DPP9: variants seen among roughly 807,000 people sequenced by gnomAD.
DPP9 encodes the protein dipeptidyl peptidase IV-related protein-2.
DPP9 carries 50 observed loss-of-function variants against 110.7 expected under a neutral mutation model. That is an observed-to-expected ratio of 0.45 (90% CI 0.36 to 0.57). The LOEUF is 0.57. DPP9 is among the 20% of genes least tolerant of loss of function. The pLI, the probability that DPP9 is intolerant of heterozygous loss-of-function variation, is 0.00. For missense variants in DPP9, 1,022 were observed against 1,217.9 expected (o/e 0.84, Z 2.39); for synonymous variants, 561 against 514.4 (o/e 1.09, Z -1.23).
chr19:4,701,895 C>G, intron 9 of DPP9, 132 bp downstream of exon 9: 1 of 1,330,838 alleles, frequency 7.5e-7, no homozygotes, highest in South Asian at 1.4e-5. Context: ...AGAAGCCTTC[C>G]TTCTACACCC....
intron 13 of DPP9, among the ~76,000 whole-genome samples, chr19:4,692,606 C>T (rs2145562132): frequency 6.6e-6 from 1 of 152,282 alleles, no homozygotes; most frequent in South Asian, 2.1e-4. Flanking sequence ...GGTGTGCCCA[C>T]CTCACAGGCC....
intron 4 of DPP9, 87 bp from the exon 5 acceptor site, chr19:4,706,057 C>G (rs1871361102): frequency 8.5e-7 from 1 of 1,174,690 alleles, no homozygotes; most frequent in East Asian, 2.5e-5. Flanking sequence ...CCAGCTGGTT[C>G]CCTCTGCTTC....
chr19:4,704,171 C>T lies in DPP9; in HGVS notation c.560G>A (p.Ser187Asn), dbSNP rs1301316799. 8.1e-6 allele frequency: 13 copies of T among 1,614,024 alleles called. No individual in the cohort carries two copies. The highest frequency in any genetic ancestry group is 1.7e-6 in the Non-Finnish European group (2 of 1,179,894). The change falls in exon 6 of 22, where the codon AGC becomes AAC. Residue 187 changes from serine to asparagine, a missense_variant. By Grantham distance (46) the Ser-to-Asn change is conservative (BLOSUM62 1). Coordinates refer to ENST00000262960, the MANE Select transcript of DPP9 (RefSeq NM_139159.5). The surrounding 1 kb of genome is among the most constrained non-coding windows in gnomAD (Gnocchi z 6.0). ...SGLFLFQASN[S>N]LFHCRDGGKN... ...GCCGCCGTCGCGGCAGTGGAAGAGG[C>T]TGTTGCTGGCCTGGAAGAGGAAGAG... is the stretch of plus-strand genomic sequence containing the variant.
chr19:4,714,437 G>A (rs944080364), intron 3 of DPP9, 100 bp from the exon 4 acceptor site: 4 of 1,408,358 alleles, frequency 2.8e-6, no homozygotes, highest in African/African-American at 2.9e-5. Flanking sequence ...TTCCAGACGA[G>A]CCCCACCCCT....
Position 4,695,430 on chromosome 19 carries a change from C to T in DPP9, c.1301G>A (p.Arg434Lys). The T allele has an allele frequency of 6.3e-7, 1 of 1,594,690 alleles. No individual in the cohort carries two copies. The highest frequency in any genetic ancestry group is 1.3e-5 in the African/African-American group (1 of 74,304). ...QRLASARAVP[R>K]NVQPYVVYEE... is the part of the protein sequence containing the mutation. ...GTACACCACATACGGCTGGACATTC[C>T]TGGGGACAGCTCTGGCAGAGGCTAG... is the stretch of plus-strand genomic sequence containing the variant. Residue 434 changes from arginine to lysine, a missense_variant, in exon 12 of 22, where the codon AGG becomes AAG. This residue lies in a region of DPP9 where 810 missense variants were observed against 920.6 expected (regional missense o/e 0.88). Transcript: ENST00000262960. This position sits in a 1 kb window ranked among gnomAD's most constrained non-coding sequence, Gnocchi z 4.7.
chr19:4,720,657 T>C (rs1222768086), intron 2 of DPP9, among the ~76,000 whole-genome samples: 1 of 151,922 alleles, frequency 6.6e-6, no homozygotes, highest in Non-Finnish European at 1.5e-5. Context: ...TCTGGAGACA[T>C]GTGTGGCTGT....
rs563443652 is a variant in DPP9, at chr19:4,685,270, A to C, written c.2031+356T>G. On this transcript the variant is annotated intron_variant, in intron 17 of 21. Coordinates refer to ENST00000262960, the MANE Select transcript of DPP9 (RefSeq NM_139159.5). The surrounding 1 kb of genome is among the most constrained non-coding windows in gnomAD (Gnocchi z 5.8). ...GTGCGCCTAAGATGGTCCAACTGCC[A>C]ATCTGCTGCCTGCTTTTGACCCCTG... is the stretch of plus-strand genomic sequence containing the variant. 154 of 532,532 alleles carry C rather than the reference A, an allele frequency of 2.9e-4. 3 individuals carry two copies. The highest frequency in any genetic ancestry group is 2.3e-3 in the South Asian group (152 of 65,248). 33.0% of individuals were successfully genotyped at this position (532,532 alleles called of 1,614,324 possible). A position where few individuals can be genotyped will look rare whatever the true frequency, so the allele number is the denominator to read the frequency against.
At chr19:4,692,810 G>A (rs928621519) in intron 13 of DPP9, among the ~76,000 whole-genome samples, 6 of 152,140 alleles carry the variant, frequency 3.9e-5, no homozygotes, top group Admixed American at 3.3e-4. Flanking sequence ...CAGACAGAAA[G>A]TGAAACACCA....
chr19:4,711,359 T>A (rs555933353), intron 4 of DPP9, among the ~76,000 whole-genome samples: 1 of 151,798 alleles, frequency 6.6e-6, no homozygotes, highest in South Asian at 2.1e-4. Flanking sequence ...GGGGCTCGGG[T>A]GTGGAGGCTA....
At chr19:4,703,747 G>A (rs2092433868) in intron 7 of DPP9, 139 bp downstream of exon 7, 2 of 826,768 alleles carry the variant, frequency 2.4e-6, no homozygotes, top group Non-Finnish European at 3.7e-6. Context: ...GGGAGACATG[G>A]TAGGCTACAG....
chr19:4,703,353 G>A (rs547785071), intron 7 of DPP9, among the ~76,000 whole-genome samples: 2 of 151,628 alleles, frequency 1.3e-5, no homozygotes, highest in East Asian at 1.9e-4. Flanking sequence ...GGCAGGGTGC[G>A]GTAGCTCATG....
At chr19:4,697,436 G>T in intron 11 of DPP9, 115 bp downstream of exon 11, 1 of 860,724 alleles carries the variant, frequency 1.2e-6, no homozygotes, top group Non-Finnish European at 1.8e-6. Flanking sequence ...TGCACTGCGG[G>T]AAGACGTGAG....
rs528780195 is a variant in DPP9, at chr19:4,695,784, C to G, written c.1176-229G>C. On this transcript the variant is annotated intron_variant, in intron 11 of 21. Transcript: ENST00000262960. This position sits in a 1 kb window ranked among gnomAD's most constrained non-coding sequence, Gnocchi z 4.7. ...GACAAGATTTCATGATCCAAGTGTT[C>G]CGGAAACAATGGCCTAAGTCTCACA... Among the ~76,000 whole-genome samples the G allele has an allele frequency of 6.6e-6, 1 of 152,306 alleles. No individual in the cohort carries two copies. Among genetic ancestry groups the G allele is most frequent in the Admixed American group, 6.5e-5 (1 of 15,298 alleles).
intron 13 of DPP9, among the ~76,000 whole-genome samples, chr19:4,692,115 C>T (rs1042119107): frequency 6.6e-6 from 1 of 152,072 alleles, no homozygotes; most frequent in Non-Finnish European, 1.5e-5. Context: ...GCCACATCCC[C>T]GGCTGGAACA....
Position 4,676,687 on chromosome 19 carries a change from G to T in DPP9, c.2587-31C>A. 6.4e-7 allele frequency: 1 copy of T among 1,558,986 alleles called. No individual in the cohort carries two copies. The highest frequency in any genetic ancestry group is 8.7e-7 in the Non-Finnish European group (1 of 1,146,886). ...GGGAGACAGGAGGCAGGGCTGGGGG[G>T]CGTGGCCGGACCACCCCCGTGTCCT... On this transcript the variant is annotated intron_variant, in intron 21 of 21. Transcript: ENST00000262960. This position sits in a 1 kb window ranked among gnomAD's most constrained non-coding sequence, Gnocchi z 4.0.
At chr19:4,679,319 C>T (rs939374371) in intron 21 of DPP9, 1 of 158,306 alleles carries the variant, frequency 6.3e-6, no homozygotes. Flanking sequence ...AGACTGAGCC[C>T]CACGTTGCTG....
intron 21 of DPP9, 85 bp downstream of exon 21, chr19:4,679,749 TG>T: frequency 1.9e-6 from 2 of 1,062,384 alleles, no homozygotes; most frequent in Non-Finnish European, 2.8e-6. Context: ...CTGGTCACAG[TG>T]GGAAGCCACC....
rs563167564 is a variant in DPP9 at position 4,682,673 on chromosome 19, G to A, written c.2474+23C>T. 3.4e-5 allele frequency: 54 copies of A among 1,605,732 alleles called. No individual in the cohort carries two copies. The highest frequency in any genetic ancestry group is 1.5e-4 in the South Asian group (13 of 89,484). ...TGCAGGAGAAGCCCCGGGGAGGAGC[G>A]CAGGGCAGGGCAGTGGCCTTACTCA... On this transcript the variant is annotated intron_variant, in intron 20 of 21. Coordinates refer to ENST00000262960, the MANE Select transcript of DPP9 (RefSeq NM_139159.5). The surrounding 1 kb of genome is among the most constrained non-coding windows in gnomAD (Gnocchi z 7.1).
rs1363139784 is a variant in DPP9 at position 4,687,784 on chromosome 19, G to A, written c.1885+973C>T. 1.3e-5 allele frequency among the ~76,000 whole-genome samples: 2 copies of A among 152,126 alleles called. No individual in the cohort carries two copies. The highest frequency in any genetic ancestry group is 6.5e-5 in the Admixed American group (1 of 15,278). Reference sequence around the variant, plus strand: ...CTGACATCCCGGCCACCCCTGCATGGACCACCACTGTTCAAAAGGTTTTTT... The same window carrying A: ...CTGACATCCCGGCCACCCCTGCATGAACCACCACTGTTCAAAAGGTTTTTT... On this transcript the variant is annotated intron_variant, in intron 16 of 21. Transcript: ENST00000262960. The surrounding 1 kb of genome is among the most constrained non-coding windows in gnomAD (Gnocchi z 4.7).
Sources: gnomAD v4.1 joint callset for allele counts (sites outside exome capture counted in the v4.1 genomes callset) on GRCh38, gnomAD v4.1.1 for gene constraint, gnomAD v4.1.1 regional missense constraint, Gnocchi (gnomAD v3.1) non-coding constraint, MANE v1.5 for transcripts, NCBI Gene and HGNC (gene_info 2026-07-23, HGNC 2026-07-21) for gene names.